ATF7IP: variants seen among roughly 807,000 people sequenced by gnomAD.
ATF7IP encodes the protein activating transcription factor 7 interacting protein, also known as activating transcription factor 7-interacting protein 1.
In ATF7IP, 23 loss-of-function variants were observed where a neutral mutation model predicts 106.4. The ratio of observed to expected loss-of-function variants is 0.22; its 90% CI spans 0.16 to 0.31. ATF7IP has a LOEUF of 0.31. ATF7IP is among the 10% of genes least tolerant of loss of function. The pLI, the probability that ATF7IP is intolerant of heterozygous loss-of-function variation, is 1.00. For missense variants in ATF7IP, 1,334 were observed against 1,524.3 expected (o/e 0.88, Z 2.08); for synonymous variants, 542 against 539.0 (o/e 1.01, Z -0.08).
At chr12:14,377,528 T>G (rs1444352048) in intron 1 of ATF7IP, among the ~76,000 whole-genome samples, 1 of 149,048 alleles carries the variant, frequency 6.7e-6, no homozygotes, top group Non-Finnish European at 1.5e-5. Flanking sequence ...GCTAATTGTT[T>G]GTATTTTTAG....
chr12:14,424,929 A>G lies in ATF7IP; in HGVS notation c.1014A>G (p.Lys338=), dbSNP rs1941757093. 6.2e-7 allele frequency: 1 copy of G among 1,605,166 alleles called. No homozygotes were observed. Among genetic ancestry groups the G allele is most frequent in the Non-Finnish European group, 8.5e-7 (1 of 1,177,846 alleles). The change falls in exon 2 of 15, where the codon AAA becomes AAG. Residue 338 remains lysine (K), a synonymous_variant. Coordinates refer to ENST00000261168, the MANE Select transcript of ATF7IP (RefSeq NM_018179.5). ...QIQSKDSLDE[K]NKADNNIDAN... ...AGAGTAAAGACTCATTGGATGAGAA[A>G]AATAAAGCTGATAATAATATTGATG...
At chr12:14,432,907 C>A in intron 2 of ATF7IP, among the ~76,000 whole-genome samples, 1 of 151,828 alleles carries the variant, frequency 6.6e-6, no homozygotes, top group Non-Finnish European at 1.5e-5. Context: ...TTTTGTAGCT[C>A]CCTTATTCCT....
At position 14,424,318 on chromosome 12, in the gene ATF7IP, G is replaced by C; in HGVS notation, c.403G>C (p.Ala135Pro). 1 of 1,614,174 alleles carries C rather than the reference G, an allele frequency of 6.2e-7. No homozygotes were observed. Among genetic ancestry groups the C allele is most frequent in the Non-Finnish European group, 8.5e-7 (1 of 1,180,022 alleles). The change falls in exon 2 of 15, where the codon GCC becomes CCC. Residue 135 changes from alanine (A) to proline (P), a missense_variant. Coordinates refer to ENST00000261168, the MANE Select transcript of ATF7IP (RefSeq NM_018179.5). ...LPAEPVSGDPAPGDLDAGDPA... is the reference protein window; with the variant it reads ...LPAEPVSGDPPPGDLDAGDPA... Reference sequence around the variant, plus strand: ...TGCTGAACCAGTTTCTGGTGATCCAGCCCCTGGTGATCTGGATGCCGGAGA... The same window carrying C: ...TGCTGAACCAGTTTCTGGTGATCCACCCCCTGGTGATCTGGATGCCGGAGA...
chr12:14,391,142 A>G (rs79900388), intron 1 of ATF7IP, among the ~76,000 whole-genome samples: 1,774 of 152,354 alleles, frequency 0.012, 27 homozygotes, highest in East Asian at 0.063. Context: ...CTCAGGTTAG[A>G]ACTCTCACAA....
chr12:14,424,852 G>T lies in ATF7IP; in HGVS notation c.937G>T (p.Asp313Tyr). The change falls in exon 2 of 15, where the codon GAT (aspartate) becomes TAT (tyrosine). Residue 313 changes from aspartate (D) to tyrosine (Y), a missense_variant. Physicochemically the swap from Asp to Tyr is radical, Grantham distance 160. Around this residue, in one of 10 missense-constraint regions of ATF7IP, gnomAD observed 438 missense variants for 405.3 expected, o/e 1.08. Transcript: ENST00000261168. Reference protein sequence around the residue: ...IDNIEPSSNKDDDFLEKNGAD... With the variant: ...IDNIEPSSNKYDDFLEKNGAD... ...CAATATAGAACCAAGTAGCAATAAA[G>T]ATGATGATTTTCTTGAAAAAAATGG... is the stretch of plus-strand genomic sequence containing the variant. The T allele has an allele frequency of 6.2e-7, 1 of 1,612,838 alleles. No individual in the cohort carries two copies. The highest frequency in any genetic ancestry group is 8.5e-7 in the Non-Finnish European group (1 of 1,179,726).
intron 1 of ATF7IP, among the ~76,000 whole-genome samples, chr12:14,400,444 A>G (rs571454653): frequency 3.3e-5 from 4 of 121,902 alleles, no homozygotes; most frequent in Admixed American, 9.4e-5. Flanking sequence ...GAAGATATAT[A>G]TTTTAGATAG....
intron 6 of ATF7IP, 105 bp downstream of exon 6, chr12:14,447,158 C>A: frequency 3.6e-6 from 3 of 836,116 alleles, no homozygotes; most frequent in Non-Finnish European, 1.8e-6. Flanking sequence ...AATTTGCTTT[C>A]ATACTGTGTA....
intron 8 of ATF7IP, among the ~76,000 whole-genome samples, chr12:14,458,668 C>G (rs940727923): frequency 2.6e-5 from 4 of 152,034 alleles, no homozygotes; most frequent in Non-Finnish European, 4.4e-5. Context: ...ACAAAAAATA[C>G]AAAAAGTAGC....
intron 13 of ATF7IP, among the ~76,000 whole-genome samples, chr12:14,487,610 G>C (rs1343148494): frequency 2.6e-5 from 4 of 152,140 alleles, no homozygotes; most frequent in Non-Finnish European, 5.9e-5. Context: ...CACTTTAACT[G>C]TAGACACCTG....
chr12:14,384,754 A>C (rs2136417744), intron 1 of ATF7IP, among the ~76,000 whole-genome samples: 1 of 152,184 alleles, frequency 6.6e-6, no homozygotes, highest in East Asian at 1.9e-4. Context: ...TCTGTGGAGA[A>C]AATCTTTAGC....
intron 13 of ATF7IP, among the ~76,000 whole-genome samples, chr12:14,488,227 T>G (rs1398510750): frequency 6.6e-6 from 1 of 151,842 alleles, no homozygotes; most frequent in Non-Finnish European, 1.5e-5. Context: ...TCCTATAAAT[T>G]TGTAGATATA....
intron 1 of ATF7IP, among the ~76,000 whole-genome samples, chr12:14,408,085 GA>G (rs1591806064): frequency 6.7e-6 from 1 of 148,810 alleles, no homozygotes; most frequent in Non-Finnish European, 1.5e-5. Context: ...CCTGTAAATA[GA>G]AAAACACTTA....
Position 14,501,393 on chromosome 12 carries a change from A to G in ATF7IP, c.*3320A>G, listed in dbSNP as rs897286822. On this transcript the variant is annotated 3_prime_UTR_variant, in exon 15 of 15. Coordinates refer to ENST00000261168, the MANE Select transcript of ATF7IP (RefSeq NM_018179.5). ...AGGTAATGGTGATGTTTATTATTCT[A>G]TACTTTGCATTCTGTGAGAGTAATT... is the stretch of plus-strand genomic sequence containing the variant. 2.6e-5 allele frequency: 4 copies of G among 152,176 alleles called. No homozygotes were observed. The highest frequency in any genetic ancestry group is 2.0e-4 in the Admixed American group (3 of 15,266). 9.4% of individuals were successfully genotyped at this position (152,176 alleles called of 1,614,324 possible).
chr12:14,380,711 C>T (rs796778180), intron 1 of ATF7IP, among the ~76,000 whole-genome samples: 11 of 152,334 alleles, frequency 7.2e-5, no homozygotes, highest in African/African-American at 1.4e-4. Context: ...ACCTCTGCCT[C>T]CCAGGCCAAG....
intron 1 of ATF7IP, chr12:14,385,252 C>T: frequency 1.5e-6 from 1 of 681,864 alleles, no homozygotes; most frequent in East Asian, 2.8e-5. Flanking sequence ...TGTGTGAGTT[C>T]TTGAGTGCAC....
rs114577247 is a variant in ATF7IP at position 14,457,536 on chromosome 12, A to T, written c.2158+241A>T. 8.0e-3 allele frequency among the ~76,000 whole-genome samples: 1,219 copies of T among 152,274 alleles called. 30 individuals are homozygous for T. Among genetic ancestry groups the T allele is most frequent in the African/African-American group, 0.028 (1,167 of 41,556 alleles). ...AGGAGTTCAAGTCAGCTTGGGCAAC[A>T]TAATGGAATCCAGTTGGTCTCTTAA... On this transcript the variant is annotated intron_variant, in intron 8 of 14. Coordinates refer to ENST00000261168, the MANE Select transcript of ATF7IP (RefSeq NM_018179.5).
At chr12:14,386,994 G>T (rs1400743794) in intron 1 of ATF7IP, among the ~76,000 whole-genome samples, 1 of 151,960 alleles carries the variant, frequency 6.6e-6, no homozygotes, top group East Asian at 1.9e-4. Context: ...CAAAATAATT[G>T]TTTTTCCTAA....
In ATF7IP at chr12:14,494,908, G is replaced by A. The variant is rs377229087; in HGVS notation, c.3281-1323G>A. Reference sequence around the variant, plus strand: ...AGATCATGCCACTGCACTCCAGCCTGGGCAACAGAGCCAGACTCTGTCTCA... The same window carrying A: ...AGATCATGCCACTGCACTCCAGCCTAGGCAACAGAGCCAGACTCTGTCTCA... On this transcript the variant is annotated intron_variant, in intron 13 of 14. Coordinates refer to ENST00000261168, the MANE Select transcript of ATF7IP (RefSeq NM_018179.5). Among the ~76,000 whole-genome samples, 1,240 of 142,186 alleles carry A rather than the reference G, an allele frequency of 8.7e-3. 11 individuals are homozygous for A. Among genetic ancestry groups the A allele is most frequent in the African/African-American group, 0.026 (985 of 38,248 alleles). The allele number at this position is 142,186 out of a possible 152,430, so 93.3% of individuals were successfully genotyped here.
intron 8 of ATF7IP, among the ~76,000 whole-genome samples, chr12:14,458,516 C>G (rs1019304189): frequency 2.6e-5 from 4 of 152,158 alleles, no homozygotes; most frequent in South Asian, 2.1e-4. Context: ...ACTTTTCTAA[C>G]TCCTCCATTA....
Sources: gnomAD v4.1 joint callset for allele counts (sites outside exome capture counted in the v4.1 genomes callset) on GRCh38, gnomAD v4.1.1 for gene constraint, gnomAD v4.1.1 regional missense constraint, MANE v1.5 for transcripts, NCBI Gene and HGNC (gene_info 2026-07-23, HGNC 2026-07-21) for gene names.